Variants in SMTNL2 observed in about 807,000 individuals in gnomAD.
SMTNL2 encodes the protein smoothelin like 2, also known as smoothelin-like protein 2.
SMTNL2 carries 43 observed loss-of-function variants against 44.1 expected under a neutral mutation model. The ratio of observed to expected loss-of-function variants is 0.98; its 90% confidence interval spans 0.76 to 1.26. The LOEUF is 1.26. Among genes scored for constraint, SMTNL2 ranks in the 50% most tolerant of loss-of-function variants. The pLI is 0.00. For missense variants in SMTNL2, 646 were observed against 670.2 expected, an observed-to-expected ratio of 0.96 and a Z score of 0.40; for synonymous variants, 317 against 287.6, an observed-to-expected ratio of 1.10 and a Z score of -1.03.
chr17:4,593,297 T>C (rs947422013), intron 3 of SMTNL2, 126 bp downstream of exon 3: 1 of 1,349,662 alleles, frequency 7.4e-7, no homozygotes, highest in Non-Finnish European at 9.8e-7. Flanking sequence ...GCCCTGCCTC[T>C]GCCTGCCATG....
At chr17:4,585,051 G>T in intron 1 of SMTNL2, 47 bp downstream of exon 1, 1 of 1,292,120 alleles carries the variant, frequency 7.7e-7, no homozygotes, top group Non-Finnish European at 9.8e-7. Context: ...GTGGGGCTCC[G>T]AACCGGGTGC....
Position 4,595,351 on chromosome 17 carries a change from G to T in SMTNL2, c.989+24G>T. On this transcript the variant is annotated intron_variant, in intron 5 of 7. Coordinates refer to ENST00000389313, the MANE Select transcript of SMTNL2 (RefSeq NM_001114974.2). The surrounding 1 kb of genome is among the most constrained non-coding windows in gnomAD (Gnocchi z 5.1). ...AAGTACGGATGCCCACTCACAGACA[G>T]GCCCGGCCCCACGGTGTGCCCAGAC... 6.2e-7 allele frequency: 1 copy of T among 1,606,686 alleles called. No individual in the cohort carries two copies. Among genetic ancestry groups the T allele is most frequent in the Middle Eastern group, 1.8e-4 (1 of 5,708 alleles).
Position 4,598,258 on chromosome 17 carries a change from G to A in SMTNL2, c.1259+935G>A, listed in dbSNP as rs12603798. The stretch of plus-strand genomic sequence containing the variant: ...CTGCCTCACGCCAGGGCCTCATGGT[G>A]ACTGAACCCAATCTGAAGACAGAGG... On this transcript the variant is annotated intron_variant, in intron 7 of 7. Coordinates refer to ENST00000389313, the MANE Select transcript of SMTNL2 (RefSeq NM_001114974.2). The surrounding 1 kb of genome is among the most constrained non-coding windows in gnomAD (Gnocchi z 4.8). 0.081 allele frequency among the ~76,000 whole-genome samples: 12,340 copies of A among 152,192 alleles called. 626 individuals carry two copies. Among genetic ancestry groups the A allele is most frequent in the South Asian group, 0.13 (628 of 4,818 alleles).
intron 1 of SMTNL2, among the ~76,000 whole-genome samples, chr17:4,586,575 G>A (rs1415431212): frequency 6.6e-6 from 1 of 152,040 alleles, no homozygotes; most frequent in Non-Finnish European, 1.5e-5. Flanking sequence ...TGTCAATGGA[G>A]ATTAGCCATT....
chr17:4,584,568 C>A lies in SMTNL2; in HGVS notation c.-38C>A. On this transcript the variant is annotated 5_prime_UTR_variant, in exon 1 of 8. Coordinates refer to ENST00000389313, the MANE Select transcript of SMTNL2 (RefSeq NM_001114974.2). The stretch of plus-strand genomic sequence containing the variant: ...GCTGCGGAGCTCGGATCTTCTCCCC[C>A]GTCTGGCCCGCTCTCGACCCGCGCG... The A allele has an allele frequency of 8.2e-7, 1 of 1,219,594 alleles. No individual in the cohort carries two copies. Among genetic ancestry groups the A allele is most frequent in the Non-Finnish European group, 1.0e-6 (1 of 979,794 alleles). The allele number at this position is 1,219,594 out of a possible 1,614,324, so 75.5% of individuals were successfully genotyped here. A position where few individuals can be genotyped will look rare whatever the true frequency, so the allele number is the denominator to read the frequency against.
chr17:4,591,037 C>G lies in SMTNL2; in HGVS notation c.400-1324C>G, dbSNP rs78142449. On this transcript the variant is annotated intron_variant, in intron 1 of 7. Transcript: ENST00000389313. ...TCTGCTGGGAGTGCCCTCCCTTGCTCCTCCACCGGGCTCACTCTGGATGTG... is the reference window on the plus strand; with the variant it reads ...TCTGCTGGGAGTGCCCTCCCTTGCTGCTCCACCGGGCTCACTCTGGATGTG... Among the ~76,000 whole-genome samples the G allele has an allele frequency of 2.3e-3, 344 of 152,344 alleles. 1 individual carries two copies. The East Asian group carries it at 0.034, about 15-fold the overall frequency.
At position 4,603,657 on chromosome 17, in the gene SMTNL2, G is replaced by A. The variant is rs143852866; in HGVS notation, c.1260-3704G>A. 1.1e-4 allele frequency among the ~76,000 whole-genome samples: 17 copies of A among 152,142 alleles called. No homozygotes were observed. The East Asian group carries it at 2.1e-3, about 19-fold the overall frequency. The stretch of plus-strand genomic sequence containing the variant: ...ATGTGGCACCACTGAGGCCACCGCC[G>A]TCAGTGCTGATAACCAGAGCATGTG... On this transcript the variant is annotated intron_variant, in intron 7 of 7. Transcript: ENST00000389313.
At chr17:4,606,152 T>C (rs907238426) in intron 7 of SMTNL2, among the ~76,000 whole-genome samples, 1 of 152,024 alleles carries the variant, frequency 6.6e-6, no homozygotes, top group African/African-American at 2.4e-5. Flanking sequence ...GGAGTCTTTC[T>C]TGCTCTGCCC....
Position 4,600,458 on chromosome 17 carries a change from C to CACCTTGA in SMTNL2, c.1259+3141_1259+3142insAACCTTG, listed in dbSNP as rs1218006382. 1.3e-5 allele frequency among the ~76,000 whole-genome samples: 2 copies of CACCTTGA among 152,210 alleles called. No homozygotes were observed. The highest frequency in any genetic ancestry group is 2.9e-5 in the Non-Finnish European group (2 of 68,036). ...GACACAGGTCCCCAAACCACGGGTT[C>CACCTTGA]ACCTTGCGTGAGGAATGAAGCATTT... On this transcript the variant is annotated intron_variant, in intron 7 of 7. Transcript: ENST00000389313. The surrounding 1 kb of genome is among the most constrained non-coding windows in gnomAD (Gnocchi z 4.7).
Position 4,596,944 on chromosome 17 carries a change from C to T in SMTNL2, c.1074C>T (p.Leu358=), listed in dbSNP as rs778357646. 2.0e-5 allele frequency: 31 copies of T among 1,525,688 alleles called. No homozygotes were observed. The highest frequency in any genetic ancestry group is 1.9e-4 in the South Asian group (16 of 83,102). 94.5% of individuals were successfully genotyped at this position (1,525,688 alleles called of 1,614,324 possible). A position where few individuals can be genotyped will look rare whatever the true frequency, so the allele number is the denominator to read the frequency against. Residue 358 remains leucine, a synonymous_variant, in exon 6 of 8, where the codon CTC becomes CTT. Transcript: ENST00000389313. The stretch of plus-strand genomic sequence containing the variant: ...CCAGCAGCATCAAGCAGATCCTGCT[C>T]GAGTGGTGCCGCAGCAAGACGCTGG... ...ASASSIKQIL[L]EWCRSKTLGY...
chr17:4,604,262 G>A (rs1265384151), intron 7 of SMTNL2, among the ~76,000 whole-genome samples: 1 of 152,186 alleles, frequency 6.6e-6, no homozygotes, highest in Admixed American at 6.5e-5. Context: ...GGGAGAAAGG[G>A]TGCCCGCTCA....
In SMTNL2 at chr17:4,607,324, C is replaced by CT; in HGVS notation, c.1260-36dup. The CT allele has an allele frequency of 1.2e-6, 2 of 1,611,346 alleles. No individual in the cohort carries two copies. On this transcript the variant is annotated intron_variant, in intron 7 of 7. Coordinates refer to ENST00000389313, the MANE Select transcript of SMTNL2 (RefSeq NM_001114974.2). The surrounding 1 kb of genome is among the most constrained non-coding windows in gnomAD (Gnocchi z 4.7). Reference sequence around the variant, plus strand: ...TCGCGGCTGTGGGGCTGGCTGATGGCTGGGACCACCGTTCTGACGGGGCTT... The same window carrying CT: ...TCGCGGCTGTGGGGCTGGCTGATGGCTTGGGACCACCGTTCTGACGGGGCTT...
In SMTNL2 at chr17:4,595,015, G is replaced by A. The variant is rs1909747017; in HGVS notation, c.807-130G>A. 1.6e-6 allele frequency: 2 copies of A among 1,231,294 alleles called. No individual in the cohort carries two copies. Among genetic ancestry groups the A allele is most frequent in the African/African-American group, 1.5e-5 (1 of 67,108 alleles). 76.3% of individuals were successfully genotyped at this position (1,231,294 alleles called of 1,614,324 possible). On this transcript the variant is annotated intron_variant, in intron 4 of 7. Transcript: ENST00000389313. This position sits in a 1 kb window ranked among gnomAD's most constrained non-coding sequence, Gnocchi z 5.1. ...AACCAGCTAGGGACCGGAGCAAGGG[G>A]GCCTCTTCTCTGAGCGCCCATCACG...
upstream of SMTNL2, chr17:4,584,409 C>A (rs1225192197): frequency 6.3e-6 from 3 of 474,554 alleles, no homozygotes; most frequent in Non-Finnish European, 9.8e-6. Flanking sequence ...CCCTCCGCAC[C>A]GTCCCGCTGG....
chr17:4,593,974 G>A, intron 4 of SMTNL2, 77 bp downstream of exon 4: 1 of 1,538,722 alleles, frequency 6.5e-7, no homozygotes, highest in Non-Finnish European at 9.0e-7. Flanking sequence ...GCCGCCCAGG[G>A]TTGGCCCTGG....
chr17:4,595,083 G>C lies in SMTNL2; in HGVS notation c.807-62G>C. 1 of 1,609,384 alleles carries C rather than the reference G, an allele frequency of 6.2e-7. No individual in the cohort carries two copies. Among genetic ancestry groups the C allele is most frequent in the Non-Finnish European group, 8.5e-7 (1 of 1,177,628 alleles). ...CACACTCAGTGCAATGGAGACCTTGGGGCCTGGTGAGCTAGTGATGGCTGC... is the reference window on the plus strand; with the variant it reads ...CACACTCAGTGCAATGGAGACCTTGCGGCCTGGTGAGCTAGTGATGGCTGC... On this transcript the variant is annotated intron_variant, in intron 4 of 7. Coordinates refer to ENST00000389313, the MANE Select transcript of SMTNL2 (RefSeq NM_001114974.2). The surrounding 1 kb of genome is among the most constrained non-coding windows in gnomAD (Gnocchi z 5.1).
intron 5 of SMTNL2, among the ~76,000 whole-genome samples, chr17:4,596,351 G>T (rs1488466521): frequency 2.0e-5 from 3 of 152,244 alleles, no homozygotes; most frequent in Non-Finnish European, 4.4e-5. Context: ...CTCCCCACTG[G>T]CCCCAAACAA....
Position 4,606,706 on chromosome 17 carries a change from A to T in SMTNL2, c.1260-655A>T, listed in dbSNP as rs140432140. Among the ~76,000 whole-genome samples, 1,399 of 151,858 alleles carry T rather than the reference A, an allele frequency of 9.2e-3. 24 individuals carry two copies. The highest frequency in any genetic ancestry group is 0.018 in the South Asian group (84 of 4,794). On this transcript the variant is annotated intron_variant, in intron 7 of 7. Coordinates refer to ENST00000389313, the MANE Select transcript of SMTNL2 (RefSeq NM_001114974.2). The stretch of plus-strand genomic sequence containing the variant: ...GATCACCTGAGGTCAGGAGATCGAG[A>T]CCAGCCTGGCCAACATGGTGAAACC...
rs1240393415 is a variant in SMTNL2 at position 4,600,900 on chromosome 17, C to T, written c.1259+3577C>T. On this transcript the variant is annotated intron_variant, in intron 7 of 7. Coordinates refer to ENST00000389313, the MANE Select transcript of SMTNL2 (RefSeq NM_001114974.2). The surrounding 1 kb of genome is among the most constrained non-coding windows in gnomAD (Gnocchi z 4.7). ...AGTGCCCATGTGTCTCTGTCTAAAACCAGATAGGAGGCAGTAGTCCCAGTC... is the reference window on the plus strand; with the variant it reads ...AGTGCCCATGTGTCTCTGTCTAAAATCAGATAGGAGGCAGTAGTCCCAGTC... 3.3e-5 allele frequency among the ~76,000 whole-genome samples: 5 copies of T among 152,284 alleles called. No homozygotes were observed. In the East Asian group the frequency reaches 9.6e-4, roughly 29 times the overall value.
Sources: allele counts gnomAD v4.1 joint callset (sites outside exome capture counted in the v4.1 genomes callset), GRCh38; gene constraint gnomAD v4.1.1; non-coding constraint Gnocchi (gnomAD v3.1); transcripts MANE v1.5; gene names NCBI Gene and HGNC (gene_info 2026-07-23, HGNC 2026-07-21).